Variants in ITPR1 observed in about 807,000 individuals in gnomAD.
The protein encoded by ITPR1 is inositol 1,4,5-trisphosphate receptor type 1, also known as inositol 1,4,5-trisphosphate-gated calcium channel ITPR1.
Under a neutral mutation model 318.4 loss-of-function variants are expected in ITPR1, and 96 were observed. That is an observed-to-expected ratio of 0.30 (90% CI 0.26 to 0.36). The LOEUF is 0.36. ITPR1 is among the 10% of genes least tolerant of loss of function. ITPR1 has a pLI of 1.00. For missense variants in ITPR1, 2,440 were observed against 3,460.2 expected (o/e 0.71, Z 7.40); for synonymous variants, 1,312 against 1,289.9 (o/e 1.02, Z -0.37).
chr3:4,609,016 A>AC lies in ITPR1; in HGVS notation c.164-18747_164-18746insC, dbSNP rs1249586788. Among the ~76,000 whole-genome samples the AC allele has an allele frequency of 7.3e-5, 9 of 123,072 alleles. 1 individual carries two copies. Among genetic ancestry groups the AC allele is most frequent in the African/African-American group, 1.2e-4 (4 of 32,212 alleles). The allele number at this position is 123,072 out of a possible 152,430, so 80.7% of individuals were successfully genotyped here. On this transcript the variant is annotated intron_variant, in intron 4 of 61. Transcript: ENST00000649015. Reference sequence around the variant, plus strand: ...ACTCCGTCTTTAAAAAAAAAAAAAAAAAAAAAAAACAAAAGAAAACAACAA... The same window carrying AC: ...ACTCCGTCTTTAAAAAAAAAAAAAAACAAAAAAAAACAAAAGAAAACAACAA...
chr3:4,538,771 C>A (rs2084117133), intron 4 of ITPR1, among the ~76,000 whole-genome samples: 1 of 152,026 alleles, frequency 6.6e-6, no homozygotes, highest in Admixed American at 6.6e-5. Flanking sequence ...CAAACTAATT[C>A]AAGAACAGAA....
In ITPR1 at chr3:4,779,880, G is replaced by A. The variant is rs1435541014; in HGVS notation, c.6387+235G>A. On this transcript the variant is annotated intron_variant, in intron 49 of 61. Transcript: ENST00000649015. The surrounding 1 kb of genome is among the most constrained non-coding windows in gnomAD (Gnocchi z 4.0). The stretch of plus-strand genomic sequence containing the variant: ...TGGCAAAACCACTATTACTTTTGCC[G>A]TTGAAAGTAATGGCAAAAACCGCGA... 6.9e-6 allele frequency among the ~76,000 whole-genome samples: 1 copy of A among 145,252 alleles called. No homozygotes were observed. Among genetic ancestry groups the A allele is most frequent in the Non-Finnish European group, 1.5e-5 (1 of 66,144 alleles).
intron 10 of ITPR1, chr3:4,646,039 A>C (rs2125160599): frequency 7.3e-6 from 2 of 274,122 alleles, no homozygotes; most frequent in South Asian, 6.7e-5. Context: ...AAACAAATTC[A>C]AAAACGAAAT....
At position 4,847,151 on chromosome 3, in the gene ITPR1, C is replaced by A. The variant is rs1228722906; in HGVS notation, c.*926C>A. The stretch of plus-strand genomic sequence containing the variant: ...AGAGTTTATTTTTTCTTCATCTGAA[C>A]CAACATGCTACAGTAGCTAAGAAGT... On this transcript the variant is annotated 3_prime_UTR_variant, in exon 62 of 62. Coordinates refer to ENST00000649015, the MANE Select transcript of ITPR1 (RefSeq NM_001378452.1). 6.6e-6 allele frequency: 1 copy of A among 152,486 alleles called. No homozygotes were observed. Among genetic ancestry groups the A allele is most frequent in the Non-Finnish European group, 1.5e-5 (1 of 68,000 alleles). 9.4% of individuals were successfully genotyped at this position (152,486 alleles called of 1,614,324 possible). A position where few individuals can be genotyped will look rare whatever the true frequency, so the allele number is the denominator to read the frequency against.
Position 4,688,657 on chromosome 3 carries a change from A to C in ITPR1, c.3828+37A>C, listed in dbSNP as rs778183322. The C allele has an allele frequency of 3.8e-6, 6 of 1,597,514 alleles. No individual in the cohort carries two copies. The South Asian group carries it at 6.7e-5, about 18-fold the overall frequency. On this transcript the variant is annotated intron_variant, in intron 31 of 61. Coordinates refer to ENST00000649015, the MANE Select transcript of ITPR1 (RefSeq NM_001378452.1). The stretch of plus-strand genomic sequence containing the variant: ...GGCCAATCTGCAAATCTATAGAGGG[A>C]GGAGGGCAGGGAAGAGGGAGGAGGA...
intron 3 of ITPR1, among the ~76,000 whole-genome samples, chr3:4,520,170 A>G (rs1019744313): frequency 1.3e-5 from 2 of 152,224 alleles, no homozygotes; most frequent in African/African-American, 4.8e-5. Flanking sequence ...AAGATTAGCC[A>G]GTTCTATCAG....
At chr3:4,717,509 G>A (rs1374026285) in intron 40 of ITPR1, 110 bp downstream of exon 40, 9 of 903,196 alleles carry the variant, frequency 1.0e-5, no homozygotes, top group Non-Finnish European at 1.6e-5. Context: ...CGAGTATCTG[G>A]CTTTGTGTGG....
At chr3:4,586,198 T>C (rs553454004) in intron 4 of ITPR1, among the ~76,000 whole-genome samples, 33 of 152,340 alleles carry the variant, frequency 2.2e-4, no homozygotes, top group Admixed American at 3.9e-4. Flanking sequence ...TCCAAGTCTT[T>C]GCTATTGTGA....
At chr3:4,534,180 G>T (rs1413235272) in intron 4 of ITPR1, among the ~76,000 whole-genome samples, 1 of 152,170 alleles carries the variant, frequency 6.6e-6, no homozygotes, top group Non-Finnish European at 1.5e-5. Context: ...ATTGTGTAGT[G>T]GTGAACTTTG....
intron 2 of ITPR1, among the ~76,000 whole-genome samples, chr3:4,512,822 T>G (rs304046): frequency 6.6e-6 from 1 of 151,886 alleles, no homozygotes; most frequent in Admixed American, 6.6e-5. Flanking sequence ...AGAGAGGTTG[T>G]GGTGGGCTCC....
At chr3:4,501,043 G>A (rs562141882) in intron 2 of ITPR1, among the ~76,000 whole-genome samples, 134 of 148,930 alleles carry the variant, frequency 9.0e-4, no homozygotes, top group African/African-American at 2.9e-3. Flanking sequence ...ATTTTTTTTT[G>A]TAGAGATTGG....
chr3:4,703,706 T>C (rs577600477), intron 36 of ITPR1, among the ~76,000 whole-genome samples: 2 of 152,322 alleles, frequency 1.3e-5, no homozygotes, highest in Admixed American at 6.5e-5. Context: ...GTAGGTAAGA[T>C]ATCAAGTCAG....
chr3:4,769,646 C>T (rs994484133), intron 46 of ITPR1, among the ~76,000 whole-genome samples: 24 of 152,234 alleles, frequency 1.6e-4, no homozygotes, highest in Non-Finnish European at 2.8e-4. Context: ...ATCCTGGATC[C>T]TAAGTGTTGC....
intron 12 of ITPR1, among the ~76,000 whole-genome samples, chr3:4,656,276 G>A (rs565953139): frequency 6.6e-6 from 1 of 152,182 alleles, no homozygotes; most frequent in Non-Finnish European, 1.5e-5. Context: ...ACTCCCACAG[G>A]TCTCTGAAAC....
At chr3:4,820,820 C>T (rs570792985) in intron 60 of ITPR1, among the ~76,000 whole-genome samples, 2 of 152,334 alleles carry the variant, frequency 1.3e-5, no homozygotes, top group African/African-American at 2.4e-5. Context: ...CCACATGAAT[C>T]CCTGCTGCGG....
At chr3:4,748,656 A>G (rs1033208459) in intron 44 of ITPR1, among the ~76,000 whole-genome samples, 8 of 152,058 alleles carry the variant, frequency 5.3e-5, no homozygotes, top group Non-Finnish European at 1.0e-4. Context: ...AAACCCCTCT[A>G]CTATTTCCGA....
intron 40 of ITPR1, among the ~76,000 whole-genome samples, chr3:4,722,098 G>T (rs563227223): frequency 6.8e-4 from 103 of 152,242 alleles, no homozygotes; most frequent in African/African-American, 2.3e-3. Context: ...CATCCAGGAA[G>T]GACACTTAAG....
intron 44 of ITPR1, among the ~76,000 whole-genome samples, chr3:4,748,083 A>G (rs555960771): frequency 6.6e-6 from 1 of 152,216 alleles, no homozygotes; most frequent in African/African-American, 2.4e-5. Flanking sequence ...TAGGTACTCT[A>G]TCTGGGCTAC....
At chr3:4,548,292 G>A (rs576398866) in intron 4 of ITPR1, among the ~76,000 whole-genome samples, 1 of 152,286 alleles carries the variant, frequency 6.6e-6, no homozygotes, top group Admixed American at 6.5e-5. Flanking sequence ...CATCAAGTTT[G>A]GGTTGGTTAT....
Sources: gnomAD v4.1 joint callset for allele counts (sites outside exome capture counted in the v4.1 genomes callset) on GRCh38, gnomAD v4.1.1 for gene constraint, Gnocchi (gnomAD v3.1) non-coding constraint, MANE v1.5 for transcripts, NCBI Gene and HGNC (gene_info 2026-07-23, HGNC 2026-07-21) for gene names.